ADGRB3: variants seen among roughly 807,000 people sequenced by gnomAD.
ADGRB3 encodes adhesion G protein-coupled receptor B3, also known as brain-specific angiogenesis inhibitor 3.
In ADGRB3, 37 loss-of-function variants were observed where a neutral mutation model predicts 193.4. The observed-to-expected ratio is 0.19, with a 90% CI of 0.15 to 0.25. The LOEUF (loss-of-function observed/expected upper bound fraction) is 0.25. Ranked by LOEUF, ADGRB3 falls within the 10% of genes least tolerant of loss-of-function variation. The pLI is 1.00. For synonymous variants in ADGRB3, 690 were observed against 644.2 expected (o/e 1.07, Z -1.08); for missense variants, 1,637 against 1,852.9 (o/e 0.88, Z 2.14).
chr6:69,334,274 C>T (rs1277302400), intron 24 of ADGRB3, among the ~76,000 whole-genome samples: 1 of 152,014 alleles, frequency 6.6e-6, no homozygotes, highest in Non-Finnish European at 1.5e-5. Context: ...ACTAATTGAT[C>T]AGTTACTTAT....
chr6:69,017,512 A>G (rs1163917933), intron 12 of ADGRB3, among the ~76,000 whole-genome samples: 1 of 151,960 alleles, frequency 6.6e-6, no homozygotes, highest in Non-Finnish European at 1.5e-5. Flanking sequence ...AATAGCCTTT[A>G]TGTTCCAAAC....
chr6:68,999,714 T>C (rs980567368), intron 11 of ADGRB3, among the ~76,000 whole-genome samples: 4 of 152,208 alleles, frequency 2.6e-5, no homozygotes, highest in South Asian at 4.1e-4. Flanking sequence ...TAAACATCCG[T>C]ACTACAGAAC....
chr6:69,184,493 G>A lies in ADGRB3; in HGVS notation c.2481-48797G>A, dbSNP rs946248050. Among the ~76,000 whole-genome samples, 4 of 152,014 alleles carry A rather than the reference G, an allele frequency of 2.6e-5. 1 individual carries two copies. The highest frequency in any genetic ancestry group is 9.7e-5 in the African/African-American group (4 of 41,422). On this transcript the variant is annotated intron_variant, in intron 17 of 31. Coordinates refer to ENST00000370598, the MANE Select transcript of ADGRB3 (RefSeq NM_001704.3). Reference sequence around the variant, plus strand: ...ATCACTAATATGTACATGTACCTTGGTTGTACATGAAGTTTTATAATTTTC... The same window carrying A: ...ATCACTAATATGTACATGTACCTTGATTGTACATGAAGTTTTATAATTTTC...
intron 17 of ADGRB3, among the ~76,000 whole-genome samples, chr6:69,202,943 A>G (rs1302069818): frequency 6.6e-6 from 1 of 152,108 alleles, no homozygotes; most frequent in African/African-American, 2.4e-5. Context: ...ATGACCTTTA[A>G]CAGTAATAGC....
At chr6:69,193,536 C>G (rs1285799261) in intron 17 of ADGRB3, among the ~76,000 whole-genome samples, 1 of 152,022 alleles carries the variant, frequency 6.6e-6, no homozygotes, top group Non-Finnish European at 1.5e-5. Flanking sequence ...CATCAAGATT[C>G]TGAAAACTAA....
intron 24 of ADGRB3, among the ~76,000 whole-genome samples, chr6:69,334,003 AAAT>A (rs1289277086): frequency 3.8e-5 from 4 of 106,500 alleles, no homozygotes; most frequent in East Asian, 2.9e-4. Flanking sequence ...AAATAAAATA[AAAT>A]AAAATAAAAT....
chr6:68,968,405 T>C (rs908433617), intron 8 of ADGRB3, among the ~76,000 whole-genome samples: 1 of 152,206 alleles, frequency 6.6e-6, no homozygotes, highest in Non-Finnish European at 1.5e-5. Context: ...ATGATACAAA[T>C]TGAATCTTCG....
In ADGRB3 at chr6:68,840,369, C is replaced by CTT. The variant is rs752625602; in HGVS notation, c.758-90152_758-90151dup. On this transcript the variant is annotated intron_variant, in intron 3 of 31. Coordinates refer to ENST00000370598, the MANE Select transcript of ADGRB3 (RefSeq NM_001704.3). ...GCAGTGGAGTAAGGCACTGGGCAGT[C>CTT]TTTTTTTTTTTTTTTTTTTTTTTTT... 3.4e-3 allele frequency among the ~76,000 whole-genome samples: 235 copies of CTT among 69,420 alleles called. 42 individuals are homozygous for CTT. Among genetic ancestry groups the CTT allele is most frequent in the African/African-American group, 4.3e-3 (58 of 13,414 alleles). The allele number at this position is 69,420 out of a possible 152,430, so 45.5% of individuals were successfully genotyped here.
At chr6:68,854,111 T>C (rs1022972258) in intron 3 of ADGRB3, among the ~76,000 whole-genome samples, 6 of 152,330 alleles carry the variant, frequency 3.9e-5, no homozygotes, top group South Asian at 2.1e-4. Context: ...TTTTTGTCTT[T>C]TGTTGATCAA....
chr6:69,255,714 C>T (rs1017535656), intron 20 of ADGRB3, among the ~76,000 whole-genome samples: 12 of 152,214 alleles, frequency 7.9e-5, no homozygotes, highest in African/African-American at 2.9e-4. Flanking sequence ...TGATTAGATC[C>T]CATTTGTCAA....
chr6:69,122,488 A>AGGGGGAGGGGGGC (rs1190254869), intron 17 of ADGRB3, among the ~76,000 whole-genome samples: 2 of 2,168 alleles, frequency 9.2e-4, no homozygotes, highest in African/African-American at 1.4e-3. Flanking sequence ...GGGAGGGGGG[A>AGGGGGAGGGGGGC]GGGGGAGGGG....
intron 17 of ADGRB3, among the ~76,000 whole-genome samples, chr6:69,231,053 C>T (rs1237649593): frequency 6.6e-6 from 1 of 152,150 alleles, no homozygotes; most frequent in Non-Finnish European, 1.5e-5. Context: ...AGGACTAAAA[C>T]ATGAACATCG....
intron 20 of ADGRB3, among the ~76,000 whole-genome samples, chr6:69,288,966 C>T (rs1280688226): frequency 6.6e-6 from 1 of 152,110 alleles, no homozygotes; most frequent in African/African-American, 2.4e-5. Context: ...TGTACACCCC[C>T]AACCCTCCCC....
At chr6:68,992,084 T>C (rs1225768385) in intron 10 of ADGRB3, among the ~76,000 whole-genome samples, 4 of 152,108 alleles carry the variant, frequency 2.6e-5, no homozygotes, top group Non-Finnish European at 4.4e-5. Context: ...AGAAAGACTA[T>C]TGGGACAGAA....
intron 3 of ADGRB3, among the ~76,000 whole-genome samples, chr6:68,803,591 C>A (rs2127372130): frequency 6.6e-6 from 1 of 152,234 alleles, no homozygotes; most frequent in Admixed American, 6.5e-5. Context: ...TTTCTCATAC[C>A]TTTGACTCTT....
At chr6:69,174,840 G>A (rs1364475267) in intron 17 of ADGRB3, among the ~76,000 whole-genome samples, 1 of 152,088 alleles carries the variant, frequency 6.6e-6, no homozygotes, top group Non-Finnish European at 1.5e-5. Context: ...ATTTTGATTT[G>A]CAGCTCTCTG....
At chr6:69,131,680 G>A (rs1774014520) in intron 17 of ADGRB3, among the ~76,000 whole-genome samples, 1 of 151,774 alleles carries the variant, frequency 6.6e-6, no homozygotes, top group African/African-American at 2.4e-5. Flanking sequence ...CAAACATGCA[G>A]GTTTGTTACA....
Position 68,639,244 on chromosome 6 carries a change from G to A in ADGRB3, c.569G>A (p.Gly190Glu), listed in dbSNP as rs1285526019. The A allele has an allele frequency of 2.4e-5, 38 of 1,614,006 alleles. No individual in the cohort carries two copies. In the East Asian group the frequency reaches 2.7e-4, roughly 11 times the overall value. Residue 190 changes from glycine (G) to glutamate (E), a missense_variant, in exon 3 of 32, where the codon GGG (glycine) becomes GAG (glutamate). Transcript: ENST00000370598. ...KSENGRTESC[G>E]IMYTKCTCPQ... ...GAAAATGGGAGAACAGAATCATGTG[G>A]GATCATGTATACAAAATGCACCTGC...
intron 17 of ADGRB3, among the ~76,000 whole-genome samples, chr6:69,113,671 G>T (rs1251539050): frequency 1.3e-5 from 2 of 152,056 alleles, no homozygotes; most frequent in African/African-American, 2.4e-5. Context: ...TGGCATAAAA[G>T]TGTGAGAAAA....
Sources: allele counts gnomAD v4.1 joint callset (sites outside exome capture counted in the v4.1 genomes callset), GRCh38; gene constraint gnomAD v4.1.1; transcripts MANE v1.5; gene names NCBI Gene and HGNC (gene_info 2026-07-23, HGNC 2026-07-21).